TBC1D12: variants seen among roughly 807,000 people sequenced by gnomAD.
TBC1D12 encodes the protein TBC1 domain family, member 12.
In TBC1D12, 56 loss-of-function variants were observed where a neutral mutation model predicts 86.7. The observed-to-expected ratio is 0.65, with a 90% CI of 0.52 to 0.81. The LOEUF (loss-of-function observed/expected upper bound fraction) is 0.81. TBC1D12 is among the 30% of genes least tolerant of loss of function. The pLI is 0.00. For synonymous variants in TBC1D12, 421 were observed against 411.7 expected (o/e 1.02, Z -0.27); for missense variants, 1,023 against 1,038.8 (o/e 0.98, Z 0.21).
intron 5 of TBC1D12, among the ~76,000 whole-genome samples, chr10:94,498,113 C>T (rs2056348605): frequency 6.6e-6 from 1 of 152,066 alleles, no homozygotes; most frequent in South Asian, 2.1e-4. Context: ...GCCACCGTGC[C>T]CGGCCTAGTT....
chr10:94,482,795 C>T (rs1036545667), intron 3 of TBC1D12, among the ~76,000 whole-genome samples: 6 of 152,100 alleles, frequency 3.9e-5, no homozygotes, highest in Non-Finnish European at 7.4e-5. Context: ...CCACTTTCTC[C>T]CTGCCCCACT....
intron 2 of TBC1D12, among the ~76,000 whole-genome samples, chr10:94,473,000 G>A (rs1277241789): frequency 1.8e-4 from 27 of 152,112 alleles, no homozygotes; most frequent in Admixed American, 1.8e-3. Flanking sequence ...GTAAGCTGAA[G>A]TTTGTAAGAC....
At chr10:94,527,076 G>T (rs1449510527) in intron 11 of TBC1D12, among the ~76,000 whole-genome samples, 1 of 129,266 alleles carries the variant, frequency 7.7e-6, no homozygotes, top group African/African-American at 2.8e-5. Context: ...TTTTTAGCTG[G>T]ATTGATTGTG....
intron 3 of TBC1D12, 149 bp from the exon 4 acceptor site, chr10:94,493,216 C>A: frequency 1.5e-6 from 1 of 655,708 alleles, no homozygotes; most frequent in Non-Finnish European, 2.7e-6. Flanking sequence ...TTCTAAAATG[C>A]ACAGTTCTTT....
intron 2 of TBC1D12, among the ~76,000 whole-genome samples, chr10:94,442,811 ATCAT>A (rs1213194832): frequency 2.6e-5 from 4 of 152,258 alleles, no homozygotes; most frequent in African/African-American, 9.6e-5. Context: ...GGCAATAATC[ATCAT>A]TCAAATTGGA....
At chr10:94,478,988 G>A (rs938371169) in intron 3 of TBC1D12, among the ~76,000 whole-genome samples, 4 of 152,048 alleles carry the variant, frequency 2.6e-5, no homozygotes, top group African/African-American at 7.2e-5. Context: ...TTTCAATTAA[G>A]CTGTTTCTCC....
intron 12 of TBC1D12, among the ~76,000 whole-genome samples, chr10:94,532,150 G>C (rs766767293): frequency 1.7e-4 from 26 of 150,354 alleles, no homozygotes; most frequent in African/African-American, 5.4e-4. Flanking sequence ...AAAGTGTTGG[G>C]ATTACAGGCG....
intron 2 of TBC1D12, among the ~76,000 whole-genome samples, chr10:94,470,143 G>C (rs1446589680): frequency 6.6e-6 from 1 of 152,136 alleles, no homozygotes; most frequent in Admixed American, 6.6e-5. Flanking sequence ...AGAACTGAGA[G>C]AACAGTAGAG....
Position 94,534,246 on chromosome 10 carries a change from A to C in TBC1D12, c.*1150A>C, listed in dbSNP as rs1224287865. The C allele has an allele frequency of 6.6e-6, 1 of 152,176 alleles. No homozygotes were observed. Among genetic ancestry groups the C allele is most frequent in the Non-Finnish European group, 1.5e-5 (1 of 68,030 alleles). The allele number at this position is 152,176 out of a possible 1,614,324, so 9.4% of individuals were successfully genotyped here. A position where few individuals can be genotyped will look rare whatever the true frequency, so the allele number is the denominator to read the frequency against. ...GTGTCAGTGCCATCTTAATCTCTTC[A>C]CATGGTACACTAAATGCTGCCTATA... On this transcript the variant is annotated 3_prime_UTR_variant, in exon 13 of 13. Coordinates refer to ENST00000225235, the MANE Select transcript of TBC1D12 (RefSeq NM_015188.2).
intron 11 of TBC1D12, among the ~76,000 whole-genome samples, chr10:94,522,976 G>A (rs568010828): frequency 9.3e-5 from 14 of 150,114 alleles, no homozygotes; most frequent in Middle Eastern, 3.4e-3. Flanking sequence ...CCCAGGAGGC[G>A]GGAGGTTGCA....
intron 3 of TBC1D12, among the ~76,000 whole-genome samples, chr10:94,475,745 A>G (rs1396141866): frequency 6.6e-6 from 1 of 152,190 alleles, no homozygotes; most frequent in Non-Finnish European, 1.5e-5. Flanking sequence ...CTAAGAGTAC[A>G]TTCTTAATGC....
chr10:94,471,758 G>C (rs2055911001), intron 2 of TBC1D12, among the ~76,000 whole-genome samples: 1 of 152,152 alleles, frequency 6.6e-6, no homozygotes, highest in South Asian at 2.1e-4. Flanking sequence ...GGTTTCATAA[G>C]GTGAACCAAA....
At chr10:94,450,639 G>A (rs543076431) in intron 2 of TBC1D12, among the ~76,000 whole-genome samples, 1 of 152,110 alleles carries the variant, frequency 6.6e-6, no homozygotes, top group African/African-American at 2.4e-5. Flanking sequence ...AAACAGTAAC[G>A]ATCGAGCAAT....
chr10:94,478,186 C>T (rs1472189368), intron 3 of TBC1D12, among the ~76,000 whole-genome samples: 1 of 151,972 alleles, frequency 6.6e-6, no homozygotes, highest in East Asian at 1.9e-4. Flanking sequence ...TTCTTGAGCC[C>T]AGGAGTTTGA....
intron 2 of TBC1D12, among the ~76,000 whole-genome samples, chr10:94,444,677 C>T (rs1037340188): frequency 1.3e-5 from 2 of 151,690 alleles, no homozygotes; most frequent in Non-Finnish European, 2.9e-5. Flanking sequence ...TTTGCTGATA[C>T]GCTGTATACC....
chr10:94,522,209 A>G, intron 10 of TBC1D12, 126 bp downstream of exon 10: 4 of 1,279,050 alleles, frequency 3.1e-6, no homozygotes, highest in Non-Finnish European at 4.2e-6. Flanking sequence ...TAGTTTATTA[A>G]TGAATGTTTG....
intron 1 of TBC1D12, among the ~76,000 whole-genome samples, chr10:94,406,410 A>T (rs2054854668): frequency 6.6e-6 from 1 of 152,160 alleles, no homozygotes; most frequent in Non-Finnish European, 1.5e-5. Flanking sequence ...TGCTTCCTTT[A>T]TATGACATTC....
intron 3 of TBC1D12, among the ~76,000 whole-genome samples, chr10:94,486,786 C>G (rs761660434): frequency 1.5e-4 from 23 of 152,216 alleles, no homozygotes; most frequent in South Asian, 8.3e-4. Flanking sequence ...GCATATTCAG[C>G]CATTGGATGA....
intron 1 of TBC1D12, among the ~76,000 whole-genome samples, chr10:94,422,914 A>T (rs2055094899): frequency 6.6e-6 from 1 of 152,160 alleles, no homozygotes; most frequent in African/African-American, 2.4e-5. Flanking sequence ...AGCATATAAT[A>T]GGCATCTTGT....
Sources: allele counts gnomAD v4.1 joint callset (sites outside exome capture counted in the v4.1 genomes callset), GRCh38; gene constraint gnomAD v4.1.1; transcripts MANE v1.5; gene names NCBI Gene and HGNC (gene_info 2026-07-23, HGNC 2026-07-21).